The following MYLK variants were observed in gnomAD, a reference collection of about 807,000 sequenced individuals.
MYLK encodes myosin light chain kinase, smooth muscle.
Under a neutral mutation model 203.4 loss-of-function variants are expected in MYLK, and 106 were observed. The ratio of observed to expected loss-of-function variants is 0.52; its 90% CI spans 0.45 to 0.61. MYLK has a LOEUF of 0.61. Among genes scored for constraint, MYLK ranks in the 20% least tolerant of loss-of-function variants. The probability of loss-of-function intolerance (pLI) is 0.00; values close to 1 mark genes in which losing one functional copy is unlikely to be tolerated. For missense variants in MYLK, 2,072 were observed against 2,442.3 expected, an observed-to-expected ratio of 0.85 and a Z score of 3.20; for synonymous variants, 867 against 959.5, an observed-to-expected ratio of 0.90 and a Z score of 1.78.
chr3:123,708,976 T>C, intron 14 of MYLK, 81 bp from the exon 15 acceptor site: 1 of 1,230,496 alleles, frequency 8.1e-7, no homozygotes, highest in Non-Finnish European at 1.2e-6. Flanking sequence ...AATGCAGTGA[T>C]ATTGGATGAA....
chr3:123,714,675 G>A (rs1322232742), intron 13 of MYLK, among the ~76,000 whole-genome samples: 1 of 152,150 alleles, frequency 6.6e-6, no homozygotes, highest in South Asian at 2.1e-4. Flanking sequence ...CCCAGAGAGG[G>A]CCTTCTTTCT....
intron 2 of MYLK, among the ~76,000 whole-genome samples, chr3:123,862,042 C>T (rs1004780057): frequency 6.6e-6 from 1 of 152,188 alleles, no homozygotes; most frequent in African/African-American, 2.4e-5. Context: ...CGTGGGGGCT[C>T]CATTGGAATC....
chr3:123,657,507 G>T, intron 23 of MYLK, 79 bp from the exon 24 acceptor site: 3 of 1,452,748 alleles, frequency 2.1e-6, no homozygotes, highest in Non-Finnish European at 2.8e-6. Context: ...CCTGTGTCAT[G>T]GGGGGAAGGC....
Position 123,642,133 on chromosome 3 carries a change from G to A in MYLK, c.4620-1629C>T, listed in dbSNP as rs1379795171. 6.6e-6 allele frequency among the ~76,000 whole-genome samples: 1 copy of A among 152,114 alleles called. No homozygotes were observed. Among genetic ancestry groups the A allele is most frequent in the East Asian group, 1.9e-4 (1 of 5,172 alleles). ...TTGAACAAGGCCGGGTGGGTTCTGG[G>A]CCTGTCCTCTTGCAAGGGTATTTCC... is the stretch of plus-strand genomic sequence containing the variant. On this transcript the variant is annotated intron_variant, in intron 27 of 33. Coordinates refer to ENST00000360304, the MANE Select transcript of MYLK (RefSeq NM_053025.4). This position sits in a 1 kb window ranked among gnomAD's most constrained non-coding sequence, Gnocchi z 4.2.
At chr3:123,787,043 A>T (rs1054601914) in intron 4 of MYLK, among the ~76,000 whole-genome samples, 9 of 152,256 alleles carry the variant, frequency 5.9e-5, no homozygotes, top group Non-Finnish European at 1.3e-4. Flanking sequence ...AGTTATAGGC[A>T]CAGAGATTAT....
intron 20 of MYLK, among the ~76,000 whole-genome samples, chr3:123,669,398 C>T (rs1478789128): frequency 1.3e-5 from 2 of 149,678 alleles, no homozygotes; most frequent in Non-Finnish European, 1.5e-5. Flanking sequence ...AATATCAAGA[C>T]GTGGTCCACA....
chr3:123,824,514 G>C (rs2066047293), intron 3 of MYLK, among the ~76,000 whole-genome samples: 1 of 152,166 alleles, frequency 6.6e-6, no homozygotes, highest in African/African-American at 2.4e-5. Context: ...ATGAATGAAA[G>C]TCATGCCTGG....
At chr3:123,864,765 C>T (rs1168801765) in intron 2 of MYLK, among the ~76,000 whole-genome samples, 1 of 152,064 alleles carries the variant, frequency 6.6e-6, no homozygotes, top group African/African-American at 2.4e-5. Flanking sequence ...ATTAGCCAGG[C>T]ACGGTGGCAT....
In MYLK at chr3:123,611,627, A is replaced by G. The variant is rs2057248135; in HGVS notation, c.*2478T>C. ...GGTTTTGGGATTATTCAAGCACATT[A>G]CATGTATTGTGCATTTTATTTCTAT... On this transcript the variant is annotated 3_prime_UTR_variant, in exon 34 of 34. Coordinates refer to ENST00000360304, the MANE Select transcript of MYLK (RefSeq NM_053025.4). The G allele has an allele frequency of 6.6e-6, 1 of 152,142 alleles. No homozygotes were observed. The highest frequency in any genetic ancestry group is 6.6e-5 in the Admixed American group (1 of 15,264). 9.4% of individuals were successfully genotyped at this position (152,142 alleles called of 1,614,324 possible).
At chr3:123,753,989 C>T (rs1024390903) in intron 4 of MYLK, among the ~76,000 whole-genome samples, 1 of 152,200 alleles carries the variant, frequency 6.6e-6, no homozygotes, top group Admixed American at 6.5e-5. Flanking sequence ...ACTCACACCC[C>T]CTGCAAGGTC....
At chr3:123,684,682 C>G (rs1353818691) in intron 19 of MYLK, among the ~76,000 whole-genome samples, 2 of 152,118 alleles carry the variant, frequency 1.3e-5, no homozygotes, top group African/African-American at 4.8e-5. Context: ...GAGTAGCCTC[C>G]TGAGTACACG....
intron 4 of MYLK, among the ~76,000 whole-genome samples, chr3:123,779,551 C>G (rs2064211732): frequency 6.6e-6 from 1 of 152,202 alleles, no homozygotes; most frequent in Non-Finnish European, 1.5e-5. Context: ...CAGCTCTCAA[C>G]AGGCTCTGCC....
At chr3:123,617,629 T>C (rs542829085) in intron 33 of MYLK, 2 of 152,368 alleles carry the variant, frequency 1.3e-5, no homozygotes, top group East Asian at 3.9e-4. Context: ...TTTTGACTGC[T>C]GTACTGTGCT....
At position 123,611,414 on chromosome 3, in the gene MYLK, C is replaced by T. The variant is rs2057243298; in HGVS notation, c.*2691G>A. On this transcript the variant is annotated 3_prime_UTR_variant, in exon 34 of 34. Coordinates refer to ENST00000360304, the MANE Select transcript of MYLK (RefSeq NM_053025.4). Reference sequence around the variant, plus strand: ...CTGCACCAAAGTCACCAATTCAAACCATGCCCTGGTAAATAGTATCATCAG... The same window carrying T: ...CTGCACCAAAGTCACCAATTCAAACTATGCCCTGGTAAATAGTATCATCAG... 1 of 150,938 alleles carries T rather than the reference C, an allele frequency of 6.6e-6. No individual in the cohort carries two copies. The highest frequency in any genetic ancestry group is 1.5e-5 in the Non-Finnish European group (1 of 68,012). The allele number at this position is 150,938 out of a possible 1,614,324, so 9.3% of individuals were successfully genotyped here.
intron 19 of MYLK, among the ~76,000 whole-genome samples, chr3:123,684,787 C>T (rs1411050884): frequency 6.6e-6 from 1 of 152,236 alleles, no homozygotes; most frequent in Non-Finnish European, 1.5e-5. Context: ...CTGCCTGCGT[C>T]AGCCTCCCAA....
At chr3:123,712,398 A>T (rs2061731816) in intron 13 of MYLK, among the ~76,000 whole-genome samples, 1 of 152,198 alleles carries the variant, frequency 6.6e-6, no homozygotes, top group Admixed American at 6.5e-5. Context: ...GCGAGTCCCC[A>T]GCCTTACAGA....
rs59622462 is a variant in MYLK, at chr3:123,839,226, T to C, written c.-126-7556A>G. Among the ~76,000 whole-genome samples, 1,321 of 152,298 alleles carry C rather than the reference T, an allele frequency of 8.7e-3. 11 individuals carry two copies. The highest frequency in any genetic ancestry group is 0.028 in the African/African-American group (1,180 of 41,556). ...TAATCCAATCATATCAATAATTGCA[T>C]TAATTATAAATGGCCTAACTACATG... On this transcript the variant is annotated intron_variant, in intron 2 of 33. Transcript: ENST00000360304.
chr3:123,767,094 C>G (rs1432915657), intron 4 of MYLK, among the ~76,000 whole-genome samples: 1 of 152,176 alleles, frequency 6.6e-6, no homozygotes, highest in East Asian at 1.9e-4. Flanking sequence ...AAACAAAACT[C>G]AAACTTTCCT....
intron 4 of MYLK, among the ~76,000 whole-genome samples, chr3:123,775,289 T>C (rs2064031034): frequency 6.6e-6 from 1 of 152,180 alleles, no homozygotes. Flanking sequence ...CCCAACAGCC[T>C]CCTGAAGTGC....
Sources: gnomAD v4.1 joint callset for allele counts (sites outside exome capture counted in the v4.1 genomes callset) on GRCh38, gnomAD v4.1.1 for gene constraint, Gnocchi (gnomAD v3.1) non-coding constraint, MANE v1.5 for transcripts, NCBI Gene and HGNC (gene_info 2026-07-23, HGNC 2026-07-21) for gene names.